PLCXD3: variants seen among roughly 807,000 people sequenced by gnomAD.
The protein encoded by PLCXD3 is PI-PLC X domain-containing protein 3.
In PLCXD3, 19 loss-of-function variants were observed where a neutral mutation model predicts 25.5. The ratio of observed to expected loss-of-function variants is 0.75; its 90% CI spans 0.52 to 1.09. PLCXD3 has a LOEUF of 1.09. PLCXD3 is among the 50% of genes least tolerant of loss of function. The pLI is 0.00. For missense variants in PLCXD3, 411 were observed against 388.1 expected (o/e 1.06, Z -0.50); for synonymous variants, 174 against 137.6 (o/e 1.26, Z -1.85).
At chr5:41,460,182 A>C (rs913497942) in intron 1 of PLCXD3, among the ~76,000 whole-genome samples, 11 of 151,944 alleles carry the variant, frequency 7.2e-5, no homozygotes, top group African/African-American at 1.2e-4. Flanking sequence ...TTTGTGTTGC[A>C]AACCTTTCAG....
intron 1 of PLCXD3, among the ~76,000 whole-genome samples, chr5:41,399,938 C>A (rs1561261083): frequency 6.6e-6 from 1 of 152,044 alleles, no homozygotes; most frequent in Non-Finnish European, 1.5e-5. Context: ...GCAAGCTACT[C>A]CCCTGATAAG....
intron 2 of PLCXD3, among the ~76,000 whole-genome samples, chr5:41,338,423 C>A (rs1320474488): frequency 1.3e-5 from 2 of 152,044 alleles, no homozygotes; most frequent in African/African-American, 4.8e-5. Context: ...AATAGCCCTG[C>A]TACTACCGCC....
intron 2 of PLCXD3, among the ~76,000 whole-genome samples, chr5:41,348,139 A>G (rs1744351127): frequency 6.6e-6 from 1 of 152,202 alleles, no homozygotes; most frequent in Admixed American, 6.5e-5. Flanking sequence ...AGGTAGGTTA[A>G]TAGTATTAGC....
intron 1 of PLCXD3, among the ~76,000 whole-genome samples, chr5:41,499,385 A>T (rs1042293339): frequency 2.6e-5 from 4 of 151,738 alleles, no homozygotes; most frequent in African/African-American, 4.8e-5. Flanking sequence ...TAAGAAAACA[A>T]TCCCACTTAC....
chr5:41,434,634 C>A, intron 1 of PLCXD3, among the ~76,000 whole-genome samples: 1 of 152,042 alleles, frequency 6.6e-6, no homozygotes, highest in Non-Finnish European at 1.5e-5. Context: ...ATTTCAATAG[C>A]ATTAGGGGTA....
intron 2 of PLCXD3, among the ~76,000 whole-genome samples, chr5:41,325,776 CT>C (rs1172350155): frequency 1.3e-5 from 2 of 152,130 alleles, no homozygotes; most frequent in Non-Finnish European, 2.9e-5. Context: ...CTGTTTGGGG[CT>C]GCTATAACAA....
intron 1 of PLCXD3, among the ~76,000 whole-genome samples, chr5:41,392,875 A>T (rs1299550921): frequency 1.3e-5 from 2 of 152,200 alleles, no homozygotes; most frequent in Non-Finnish European, 1.5e-5. Context: ...TGAAATAATT[A>T]AAAAGAATCC....
chr5:41,351,414 G>A (rs1024053186), intron 2 of PLCXD3, among the ~76,000 whole-genome samples: 1 of 152,208 alleles, frequency 6.6e-6, no homozygotes, highest in Non-Finnish European at 1.5e-5. Flanking sequence ...CAGGGGCTGA[G>A]CACATGGTAG....
At chr5:41,462,418 A>C (rs1186053032) in intron 1 of PLCXD3, among the ~76,000 whole-genome samples, 1 of 152,038 alleles carries the variant, frequency 6.6e-6, no homozygotes, top group African/African-American at 2.4e-5. Context: ...TAGTCCTGGA[A>C]CTGAGATAAT....
At chr5:41,315,122 A>G (rs1743251175) in intron 2 of PLCXD3, among the ~76,000 whole-genome samples, 1 of 152,190 alleles carries the variant, frequency 6.6e-6, no homozygotes, top group South Asian at 2.1e-4. Context: ...GCAGACAGAT[A>G]CAGGTGATGT....
At chr5:41,322,049 C>T (rs1272463056) in intron 2 of PLCXD3, among the ~76,000 whole-genome samples, 3 of 152,146 alleles carry the variant, frequency 2.0e-5, no homozygotes, top group Admixed American at 6.5e-5. Context: ...ACCCCATAAG[C>T]ACAGGCAACC....
intron 1 of PLCXD3, among the ~76,000 whole-genome samples, chr5:41,386,422 GACTTA>G (rs1745636610): frequency 6.6e-6 from 1 of 152,016 alleles, no homozygotes; most frequent in Admixed American, 6.6e-5. Context: ...AGTAGTACTG[GACTTA>G]ACTTCTCATT....
intron 1 of PLCXD3, among the ~76,000 whole-genome samples, chr5:41,446,372 G>T (rs940552973): frequency 6.6e-6 from 1 of 151,766 alleles, no homozygotes; most frequent in African/African-American, 2.4e-5. Flanking sequence ...CCATTAACCA[G>T]TAATGGAAAG....
At position 41,340,996 on chromosome 5, in the gene PLCXD3, A is replaced by G. The variant is rs116818443; in HGVS notation, c.813-27226T>C. 8.8e-3 allele frequency among the ~76,000 whole-genome samples: 1,345 copies of G among 152,332 alleles called. 15 individuals are homozygous for G. The highest frequency in any genetic ancestry group is 0.03 in the African/African-American group (1,263 of 41,584). On this transcript the variant is annotated intron_variant, in intron 2 of 2. Transcript: ENST00000377801. ...ATATTTGTTAATATCCCACCAAAGT[A>G]AGGTATTCTAAATAAATGTAAAAAA... is the stretch of plus-strand genomic sequence containing the variant.
chr5:41,490,571 A>C (rs947829206), intron 1 of PLCXD3, among the ~76,000 whole-genome samples: 6 of 152,010 alleles, frequency 3.9e-5, no homozygotes, highest in Non-Finnish European at 5.9e-5. Flanking sequence ...GTCCTGGACT[A>C]TTTTTGTTGG....
intron 2 of PLCXD3, among the ~76,000 whole-genome samples, chr5:41,365,567 T>C (rs1439800741): frequency 6.6e-6 from 1 of 152,150 alleles, no homozygotes; most frequent in African/African-American, 2.4e-5. Context: ...GCACATTCTA[T>C]GTTCTTGTTG....
At chr5:41,496,737 A>G (rs1748848373) in intron 1 of PLCXD3, among the ~76,000 whole-genome samples, 1 of 151,842 alleles carries the variant, frequency 6.6e-6, no homozygotes, top group Non-Finnish European at 1.5e-5. Context: ...TAATAATGTA[A>G]AAGCGTAGGT....
intron 2 of PLCXD3, among the ~76,000 whole-genome samples, chr5:41,361,105 A>C (rs1305656398): frequency 2.0e-5 from 3 of 151,738 alleles, no homozygotes; most frequent in Admixed American, 6.6e-5. Flanking sequence ...GGGGGTGTGG[A>C]TCTCAGGCCA....
intron 2 of PLCXD3, among the ~76,000 whole-genome samples, chr5:41,344,036 T>C (rs1744236484): frequency 6.6e-6 from 1 of 152,148 alleles, no homozygotes. Context: ...CCATTAACCA[T>C]AAAACATTAT....
Sources: gnomAD v4.1 joint callset for allele counts (sites outside exome capture counted in the v4.1 genomes callset) on GRCh38, gnomAD v4.1.1 for gene constraint, MANE v1.5 for transcripts, NCBI Gene and HGNC (gene_info 2026-07-23, HGNC 2026-07-21) for gene names.